ALOX12: variants seen among roughly 807,000 people sequenced by gnomAD.
ALOX12 encodes polyunsaturated fatty acid lipoxygenase ALOX12.
A neutral mutation model predicts 85.5 loss-of-function variants in ALOX12; 62 were observed. The observed-to-expected ratio is 0.73, with a 90% CI of 0.59 to 0.90. The LOEUF is 0.90. Ranked by LOEUF, ALOX12 falls within the 40% of genes least tolerant of loss-of-function variation. ALOX12 has a pLI of 0.00. For synonymous variants in ALOX12, 299 were observed against 332.7 expected, an observed-to-expected ratio of 0.90 and a Z score of 1.10; for missense variants, 751 against 856.5, an observed-to-expected ratio of 0.88 and a Z score of 1.54.
Position 7,000,146 on chromosome 17 carries a change from T to C in ALOX12, c.808-190T>C, listed in dbSNP as rs762317329. On this transcript the variant is annotated intron_variant, in intron 6 of 13. Coordinates refer to ENST00000251535, the MANE Select transcript of ALOX12 (RefSeq NM_000697.3). The surrounding 1 kb of genome is among the most constrained non-coding windows in gnomAD (Gnocchi z 4.6). Reference sequence around the variant, plus strand: ...CCACCACATCCACACACAAGACATCTACCCTCACCAGACTGTTTCTTCACT... The same window carrying C: ...CCACCACATCCACACACAAGACATCCACCCTCACCAGACTGTTTCTTCACT... 3.9e-5 allele frequency among the ~76,000 whole-genome samples: 6 copies of C among 152,142 alleles called. No individual in the cohort carries two copies. The highest frequency in any genetic ancestry group is 7.3e-5 in the Non-Finnish European group (5 of 68,036).
intron 8 of ALOX12, among the ~76,000 whole-genome samples, chr17:7,004,122 T>TA (rs1908871701): frequency 1.4e-5 from 2 of 142,544 alleles, no homozygotes; most frequent in African/African-American, 2.5e-5. Flanking sequence ...ATTTTAATTT[T>TA]AATTTTAAAT....
At position 6,998,947 on chromosome 17, in the gene ALOX12, TC is replaced by T; in HGVS notation, c.543-4del. The T allele has an allele frequency of 6.2e-7, 1 of 1,614,086 alleles. No individual in the cohort carries two copies. The highest frequency in any genetic ancestry group is 8.5e-7 in the Non-Finnish European group (1 of 1,180,006). On this transcript the variant is annotated splice_region_variant and splice_polypyrimidine_tract_variant and intron_variant, in intron 4 of 13. Coordinates refer to ENST00000251535, the MANE Select transcript of ALOX12 (RefSeq NM_000697.3). ...CTGATGAGTTAAGCCTCAATACCTG[TC>T]CTAGGGCTCTGGAGATGGCCCTCAA...
chr17:6,996,828 G>A lies in ALOX12; in HGVS notation c.138G>A (p.Glu46=). The change falls in exon 2 of 14, where the codon GAG becomes GAA. Residue 46 remains glutamate, a splice_region_variant and synonymous_variant. Coordinates refer to ENST00000251535, the MANE Select transcript of ALOX12 (RefSeq NM_000697.3). ...ELQLRPARGE[E]EEFDHDVAED... Reference sequence around the variant, plus strand: ...TGGCCTGGGTCCGGCCTGCACAGGAGGAGGAGTTTGATCATGACGTTGCAG... The same window carrying A: ...TGGCCTGGGTCCGGCCTGCACAGGAAGAGGAGTTTGATCATGACGTTGCAG... 1 of 1,612,266 alleles carries A rather than the reference G, an allele frequency of 6.2e-7. No homozygotes were observed. The highest frequency in any genetic ancestry group is 1.1e-5 in the South Asian group (1 of 90,920).
rs1166644992 is a variant in ALOX12 at position 6,996,226 on chromosome 17, C to T, written c.109C>T (p.Leu37=). The change falls in exon 1 of 14, where the codon CTG becomes TTG. Residue 37 remains leucine (L), a synonymous_variant. Transcript: ENST00000251535. ...VGTRGEAELE[L]QLRPARGEEE... The stretch of plus-strand genomic sequence containing the variant: ...GACGCGCGGGGAGGCGGAGCTGGAG[C>T]TGCAGCTGCGGCCCGCGCGGGGCGA... 3 of 1,249,270 alleles carry T rather than the reference C, an allele frequency of 2.4e-6. No individual in the cohort carries two copies. Among genetic ancestry groups the T allele is most frequent in the Non-Finnish European group, 3.0e-6 (3 of 990,510 alleles). 77.4% of individuals were successfully genotyped at this position (1,249,270 alleles called of 1,614,324 possible).
At chr17:7,004,218 TTAA>T (rs993706512) in intron 8 of ALOX12, among the ~76,000 whole-genome samples, 17 of 118,014 alleles carry the variant, frequency 1.4e-4, no homozygotes, top group African/African-American at 4.8e-4. Flanking sequence ...TAATATTAAA[TTAA>T]TTTAATTTAA....
intron 8 of ALOX12, among the ~76,000 whole-genome samples, chr17:7,003,022 A>C (rs1908786349): frequency 6.6e-6 from 1 of 152,184 alleles, no homozygotes; most frequent in Non-Finnish European, 1.5e-5. Flanking sequence ...CCCTTCGGTA[A>C]CATAGACAAG....
rs1909338141 is a variant in ALOX12 at position 7,010,509 on chromosome 17, C to T, written c.*86C>T. ...TGAATTTCATGCTTTCCTAAAGTCT[C>T]TGCTGCTAAGGCTCTATTTCCTCCC... On this transcript the variant is annotated 3_prime_UTR_variant, in exon 14 of 14. Transcript: ENST00000251535. 6.7e-7 allele frequency: 1 copy of T among 1,487,858 alleles called. No individual in the cohort carries two copies. Among genetic ancestry groups the T allele is most frequent in the Non-Finnish European group, 9.0e-7 (1 of 1,107,932 alleles). The allele number at this position is 1,487,858 out of a possible 1,614,324, so 92.2% of individuals were successfully genotyped here.
In ALOX12 at chr17:6,996,924, C is replaced by G. The variant is rs746121469; in HGVS notation, c.234C>G (p.Cys78Trp). The change falls in exon 2 of 14, where the codon TGC (cysteine) becomes TGG (tryptophan). Residue 78 changes from cysteine (C) to tryptophan (W), a missense_variant. Coordinates refer to ENST00000251535, the MANE Select transcript of ALOX12 (RefSeq NM_000697.3). ...GGCTGGTGGACGACGCGTGGTTCTG[C>G]GACCGCATCACGGTGCAGGGCCCTG... The part of the protein sequence containing the change: ...HHWLVDDAWF[C>W]DRITVQGPGA... 5.0e-6 allele frequency: 8 copies of G among 1,611,166 alleles called. No homozygotes were observed. In the African/African-American group the frequency reaches 1.1e-4, roughly 22 times the overall value.
intron 8 of ALOX12, among the ~76,000 whole-genome samples, chr17:7,004,372 T>A: frequency 1.0e-5 from 1 of 100,106 alleles, no homozygotes; most frequent in African/African-American, 3.6e-5. Flanking sequence ...TAATATTAAT[T>A]TAATTTAATT....
At chr17:6,996,314 G>A in intron 1 of ALOX12, 62 bp downstream of exon 1, 1 of 1,217,300 alleles carries the variant, frequency 8.2e-7, no homozygotes, top group Non-Finnish European at 1.0e-6. Context: ...CCCGGGCCGA[G>A]CTGGGCTCGC....
intron 1 of ALOX12, 70 bp downstream of exon 1, chr17:6,996,322 C>T (rs1349904977): frequency 1.7e-6 from 2 of 1,211,602 alleles, no homozygotes; most frequent in South Asian, 4.2e-5. Flanking sequence ...GAGCTGGGCT[C>T]GCGGCGGGAG....
chr17:6,999,823 C>T (rs981050741), intron 6 of ALOX12, among the ~76,000 whole-genome samples: 1 of 152,030 alleles, frequency 6.6e-6, no homozygotes, highest in East Asian at 1.9e-4. Flanking sequence ...AAAAAGAGAG[C>T]GGGGTTTGGA....
At chr17:7,005,751 A>G in intron 9 of ALOX12, 107 bp from the exon 10 acceptor site, 3 of 1,252,848 alleles carry the variant, frequency 2.4e-6, no homozygotes, top group Non-Finnish European at 3.3e-6. Context: ...AGTGCTGTAT[A>G]CCCATGTCTT....
At chr17:7,008,750 A>G (rs1387377227) in intron 11 of ALOX12, among the ~76,000 whole-genome samples, 3 of 151,938 alleles carry the variant, frequency 2.0e-5, no homozygotes, top group Non-Finnish European at 2.9e-5. Flanking sequence ...CGTCTCAAAA[A>G]AAAAAAAAAG....
chr17:6,996,968 C>A lies in ALOX12; in HGVS notation c.278C>A (p.Ala93Asp), dbSNP rs1387903441. 1 of 1,583,710 alleles carries A rather than the reference C, an allele frequency of 6.3e-7. No individual in the cohort carries two copies. Among genetic ancestry groups the A allele is most frequent in the Non-Finnish European group, 8.6e-7 (1 of 1,164,770 alleles). The change falls in exon 2 of 14, where the codon GCC (alanine) becomes GAC (aspartate). Residue 93 changes from alanine (A) to aspartate (D), a missense_variant. Physicochemically the swap from Ala to Asp is moderately radical, Grantham distance 126 (BLOSUM62 -2). Coordinates refer to ENST00000251535, the MANE Select transcript of ALOX12 (RefSeq NM_000697.3). ...VQGPGACAEV[A>D]FPCYRWVQGE... ...GGCCCTGGAGCCTGCGCGGAGGTGGCCTTCCCGTGCTACCGCTGGGTGCAG... is the reference window on the plus strand; with the variant it reads ...GGCCCTGGAGCCTGCGCGGAGGTGGACTTCCCGTGCTACCGCTGGGTGCAG...
chr17:7,002,688 T>A, intron 8 of ALOX12: 1 of 316,614 alleles, frequency 3.2e-6, no homozygotes, highest in South Asian at 2.5e-5. Flanking sequence ...TATATATTGC[T>A]GGGAGAAGGC....
At chr17:7,005,474 CT>C (rs35201122) in intron 9 of ALOX12, 131 bp downstream of exon 9, 41,171 of 219,080 alleles carry the variant, frequency 0.19, 262 homozygotes, top group East Asian at 0.22. Flanking sequence ...ATACCCATGT[CT>C]TTTTTTTTTT....
intron 8 of ALOX12, among the ~76,000 whole-genome samples, chr17:7,004,215 AAATT>A (rs938110599): frequency 2.8e-5 from 4 of 140,458 alleles, no homozygotes; most frequent in African/African-American, 5.1e-5. Context: ...TTTTAATATT[AAATT>A]AATTTAATTT....
chr17:7,004,401 T>A (rs1236480218), intron 8 of ALOX12, among the ~76,000 whole-genome samples: 1 of 141,984 alleles, frequency 7.0e-6, no homozygotes, highest in African/African-American at 2.5e-5. Flanking sequence ...TATTAATTAA[T>A]TTAATTTTAA....
Sources: allele counts gnomAD v4.1 joint callset (sites outside exome capture counted in the v4.1 genomes callset), GRCh38; gene constraint gnomAD v4.1.1; non-coding constraint Gnocchi (gnomAD v3.1); transcripts MANE v1.5; gene names NCBI Gene and HGNC (gene_info 2026-07-23, HGNC 2026-07-21).